Variants in GRPEL1 observed in about 807,000 individuals in gnomAD.
The protein encoded by GRPEL1 is GrpE like 1, mitochondrial.
Under a neutral mutation model 22.1 loss-of-function variants are expected in GRPEL1, and 13 were observed. The ratio of observed to expected loss-of-function variants is 0.59; its 90% CI spans 0.38 to 0.94. GRPEL1 has a LOEUF of 0.94. Ranked by LOEUF, GRPEL1 falls within the 40% of genes least tolerant of loss-of-function variation. The pLI, the probability that GRPEL1 is intolerant of heterozygous loss-of-function variation, is 0.00. For synonymous variants in GRPEL1, 109 were observed against 105.3 expected, an observed-to-expected ratio of 1.03 and a Z score of -0.21; for missense variants, 289 against 264.6, an observed-to-expected ratio of 1.09 and a Z score of -0.64.
chr4:7,066,481 T>G (rs995522072), intron 1 of GRPEL1, among the ~76,000 whole-genome samples: 7 of 152,332 alleles, frequency 4.6e-5, no homozygotes, highest in African/African-American at 1.7e-4. Flanking sequence ...ATTAATATCT[T>G]AGATCTGTGG....
chr4:7,066,435 A>G (rs891319226), intron 1 of GRPEL1, among the ~76,000 whole-genome samples: 2 of 152,210 alleles, frequency 1.3e-5, no homozygotes, highest in African/African-American at 2.4e-5. Context: ...ACAGGATCCT[A>G]TTTTTGTAAA....
intron 1 of GRPEL1, among the ~76,000 whole-genome samples, chr4:7,065,158 T>C (rs766850559): frequency 2.6e-5 from 4 of 152,114 alleles, no homozygotes; most frequent in East Asian, 1.9e-4. Context: ...ATGACAAAGA[T>C]AGACCCAGCA....
chr4:7,068,049 C>T lies in GRPEL1; in HGVS notation c.-17G>A, dbSNP rs1724219094. On this transcript the variant is annotated 5_prime_UTR_variant, in exon 1 of 4. Transcript: ENST00000264954. ...AGCCGCCATGACTGCCACTGCCCGT[C>T]GCAGTCGCCGCGCACGCACCAAGCG... 6.2e-7 allele frequency: 1 copy of T among 1,611,554 alleles called. No individual in the cohort carries two copies. The highest frequency in any genetic ancestry group is 1.3e-5 in the African/African-American group (1 of 74,916).
intron 1 of GRPEL1, among the ~76,000 whole-genome samples, chr4:7,065,771 G>A (rs923942282): frequency 2.6e-5 from 4 of 152,068 alleles, no homozygotes; most frequent in Non-Finnish European, 5.9e-5. Flanking sequence ...CCAAGACCAA[G>A]TGATAAGCCC....
At chr4:7,067,912 C>A in intron 1 of GRPEL1, 59 bp downstream of exon 1, 1 of 1,557,780 alleles carries the variant, frequency 6.4e-7, no homozygotes. Flanking sequence ...GGGAAAGGCC[C>A]CCATCGGAGC....
intron 1 of GRPEL1, 183 bp from the exon 2 acceptor site, chr4:7,064,406 T>C: frequency 1.9e-6 from 1 of 530,944 alleles, no homozygotes; most frequent in Admixed American, 3.6e-5. Context: ...TTAGTAAATA[T>C]AAAAGCTGTA....
Position 7,067,989 on chromosome 4 carries a change from G to A in GRPEL1, c.44C>T (p.Ala15Val). The A allele has an allele frequency of 1.2e-6, 2 of 1,613,504 alleles. No homozygotes were observed. Among genetic ancestry groups the A allele is most frequent in the Non-Finnish European group, 1.7e-6 (2 of 1,179,940 alleles). Residue 15 changes from alanine to valine, a missense_variant, in exon 1 of 4, where the codon GCT becomes GTT. Transcript: ENST00000264954. ...CVRLARRSLP[A>V]LALSLRPSPR... ...CCCTTACCTGAGAGACAACGCCAAAGCAGGAAGACTGCGCCGCGCCAACCT... is the reference window on the plus strand; with the variant it reads ...CCCTTACCTGAGAGACAACGCCAAAACAGGAAGACTGCGCCGCGCCAACCT...
chr4:7,064,555 G>C (rs1724122837), intron 1 of GRPEL1, among the ~76,000 whole-genome samples: 1 of 151,582 alleles, frequency 6.6e-6, no homozygotes, highest in South Asian at 2.1e-4. Flanking sequence ...TTTTGAGAGA[G>C]AGAGTCTTGC....
At chr4:7,065,446 G>A (rs1170532891) in intron 1 of GRPEL1, among the ~76,000 whole-genome samples, 3 of 151,554 alleles carry the variant, frequency 2.0e-5, no homozygotes, top group Non-Finnish European at 2.9e-5. Context: ...TCAGGGAGGC[G>A]CAGGTTGAGG....
chr4:7,063,870 C>G (rs547620691), intron 2 of GRPEL1, among the ~76,000 whole-genome samples, 191 bp downstream of exon 2: 18 of 152,234 alleles, frequency 1.2e-4, no homozygotes, highest in South Asian at 4.1e-4. Flanking sequence ...CTTGCCAGAA[C>G]CAGAGTTGCA....
At chr4:7,065,876 C>T (rs1158049263) in intron 1 of GRPEL1, among the ~76,000 whole-genome samples, 7 of 136,404 alleles carry the variant, frequency 5.1e-5, no homozygotes, top group Admixed American at 7.6e-5. Flanking sequence ...TTTTTTGAGA[C>T]GGAGTCTTGC....
At chr4:7,065,907 G>A (rs1724157295) in intron 1 of GRPEL1, among the ~76,000 whole-genome samples, 1 of 148,704 alleles carries the variant, frequency 6.7e-6, no homozygotes, top group Non-Finnish European at 1.5e-5. Context: ...AGGCTGGAGT[G>A]CAGTGGTGCC....
At position 7,061,041 on chromosome 4, in the gene GRPEL1, C is replaced by A; in HGVS notation, c.475G>T (p.Gly159Cys). 6.2e-7 allele frequency: 1 copy of A among 1,614,212 alleles called. No individual in the cohort carries two copies. Among genetic ancestry groups the A allele is most frequent in the South Asian group, 1.1e-5 (1 of 91,084 alleles). The change falls in exon 4 of 4, where the codon GGC (glycine) becomes TGC (cysteine). Residue 159 changes from glycine to cysteine, a missense_variant. By Grantham distance (159) the Gly-to-Cys change is radical. Transcript: ENST00000264954. ...VQIQKVFTKH[G>C]LLKLNPVGAK... ...CCGACAGGGTTCAACTTGAGCAAGCCATGCTTTGTGAACACCTTCTGGATC... is the reference window on the plus strand; with the variant it reads ...CCGACAGGGTTCAACTTGAGCAAGCAATGCTTTGTGAACACCTTCTGGATC...
At chr4:7,061,251 G>A (rs375793683) in intron 3 of GRPEL1, 43 bp from the exon 4 acceptor site, 9 of 1,504,582 alleles carry the variant, frequency 6.0e-6, no homozygotes, top group African/African-American at 2.8e-5. Context: ...CATACCAACC[G>A]CACAGGGCAA....
At chr4:7,063,916 C>A in intron 2 of GRPEL1, 145 bp downstream of exon 2, 1 of 868,814 alleles carries the variant, frequency 1.2e-6, no homozygotes. Context: ...TTGGCAGTAA[C>A]TTGCCACCTG....
chr4:7,060,138 G>T lies in GRPEL1; in HGVS notation c.*724C>A, dbSNP rs978659450. The T allele has an allele frequency of 2.0e-5, 3 of 152,238 alleles. No homozygotes were observed. Among genetic ancestry groups the T allele is most frequent in the African/African-American group, 7.2e-5 (3 of 41,460 alleles). 9.4% of individuals were successfully genotyped at this position (152,238 alleles called of 1,614,324 possible). The stretch of plus-strand genomic sequence containing the variant: ...ACATTTAAAGTACACCAAGCGTGCA[G>T]TCCTATTTTGAGAAAGTCCATTTTG... On this transcript the variant is annotated 3_prime_UTR_variant, in exon 4 of 4. Transcript: ENST00000264954.
At position 7,068,058 on chromosome 4, in the gene GRPEL1, C is replaced by G. The variant is rs746492180; in HGVS notation, c.-26G>C. On this transcript the variant is annotated 5_prime_UTR_variant, in exon 1 of 4. Coordinates refer to ENST00000264954, the MANE Select transcript of GRPEL1 (RefSeq NM_025196.4). ...GACTGCCACTGCCCGTCGCAGTCGC[C>G]GCGCACGCACCAAGCGTGCGTGCAG... The G allele has an allele frequency of 5.0e-6, 8 of 1,610,878 alleles. No homozygotes were observed. The East Asian group carries it at 1.6e-4, about 31-fold the overall frequency.
rs1245605572 is a variant in GRPEL1 at position 7,059,137 on chromosome 4, G to C, written c.*1725C>G. On this transcript the variant is annotated 3_prime_UTR_variant, in exon 4 of 4. Coordinates refer to ENST00000264954, the MANE Select transcript of GRPEL1 (RefSeq NM_025196.4). ...AGCGCATTTCTCAGAACACATCCCT[G>C]TGGTTAAGCCATGCTTGACTATATT... 1 of 152,204 alleles carries C rather than the reference G, an allele frequency of 6.6e-6. No homozygotes were observed. The highest frequency in any genetic ancestry group is 1.5e-5 in the Non-Finnish European group (1 of 68,044). 9.4% of individuals were successfully genotyped at this position (152,204 alleles called of 1,614,324 possible).
rs533451394 is a variant in GRPEL1 at position 7,064,456 on chromosome 4, A to C, written c.63-233T>G. 226 of 348,750 alleles carry C rather than the reference A, an allele frequency of 6.5e-4. 1 individual carries two copies. The East Asian group carries it at 0.011, about 17-fold the overall frequency. 21.6% of individuals were successfully genotyped at this position (348,750 alleles called of 1,614,324 possible). On this transcript the variant is annotated intron_variant, in intron 1 of 3. Transcript: ENST00000264954. ...TGCCTTTATTAGATCTAAGATAAAC[A>C]TATATATATTTTTTTAGAGACAGGA...
Sources: allele counts gnomAD v4.1 joint callset (sites outside exome capture counted in the v4.1 genomes callset), GRCh38; gene constraint gnomAD v4.1.1; transcripts MANE v1.5; gene names NCBI Gene and HGNC (gene_info 2026-07-23, HGNC 2026-07-21).